PRSS3: variants seen among roughly 807,000 people sequenced by gnomAD.
PRSS3 encodes trypsin-3.
PRSS3 carries 14 observed loss-of-function variants against 20.8 expected under a neutral mutation model. The observed-to-expected ratio is 0.67, with a 90% CI of 0.44 to 1.05. The LOEUF (loss-of-function observed/expected upper bound fraction) is 1.05. Among genes scored for constraint, PRSS3 ranks in the 50% least tolerant of loss-of-function variants. PRSS3 has a pLI of 0.00. For missense variants in PRSS3, 237 were observed against 306.4 expected (o/e 0.77, Z 1.69); for synonymous variants, 91 against 117.6 (o/e 0.77, Z 1.46).
intron 1 of PRSS3, among the ~76,000 whole-genome samples, chr9:33,764,970 T>A (rs1377519321): frequency 1.3e-5 from 2 of 152,170 alleles, no homozygotes; most frequent in African/African-American, 2.4e-5. Flanking sequence ...CCCACTAGAA[T>A]GGCTAAATGA....
chr9:33,757,418 G>A (rs1822996954), intron 1 of PRSS3, among the ~76,000 whole-genome samples: 1 of 151,614 alleles, frequency 6.6e-6, no homozygotes, highest in African/African-American at 2.4e-5. Context: ...CCAAATCCAT[G>A]CAATTTTTCC....
At chr9:33,787,657 G>A (rs1824467236) in intron 1 of PRSS3, among the ~76,000 whole-genome samples, 1 of 152,198 alleles carries the variant, frequency 6.6e-6, no homozygotes, top group South Asian at 2.1e-4. Context: ...CTGCTGCTTG[G>A]GCCATAGACT....
chr9:33,761,320 C>G (rs1823192697), intron 1 of PRSS3, among the ~76,000 whole-genome samples: 1 of 152,182 alleles, frequency 6.6e-6, no homozygotes, highest in African/African-American at 2.4e-5. Flanking sequence ...TGACTTCAAA[C>G]CTGTACAGCA....
intron 1 of PRSS3, among the ~76,000 whole-genome samples, chr9:33,754,362 G>A (rs1247444801): frequency 6.6e-6 from 1 of 151,860 alleles, no homozygotes; most frequent in Non-Finnish European, 1.5e-5. Flanking sequence ...GAGCCGCCGC[G>A]CCTGGCTTGT....
chr9:33,776,271 G>A (rs1563961806), intron 1 of PRSS3, among the ~76,000 whole-genome samples: 1 of 152,036 alleles, frequency 6.6e-6, no homozygotes, highest in Admixed American at 6.5e-5. Flanking sequence ...GAAGACAAAT[G>A]AACAGACCTT....
At chr9:33,773,488 G>C (rs1184837595) in intron 1 of PRSS3, among the ~76,000 whole-genome samples, 1 of 152,132 alleles carries the variant, frequency 6.6e-6, no homozygotes, top group East Asian at 1.9e-4. Flanking sequence ...ACCTGAGACA[G>C]CACAGCAGAA....
intron 1 of PRSS3, among the ~76,000 whole-genome samples, chr9:33,766,024 T>C (rs915350877): frequency 2.0e-5 from 3 of 152,066 alleles, no homozygotes; most frequent in Non-Finnish European, 4.4e-5. Context: ...TCCCAGCACT[T>C]TGGGGGCCAA....
rs960935609 is a variant in PRSS3 at position 33,796,724 on chromosome 9, T to G, written c.122T>G (p.Leu41Arg). The G allele has an allele frequency of 6.2e-7, 1 of 1,614,036 alleles. No individual in the cohort carries two copies. The highest frequency in any genetic ancestry group is 1.1e-5 in the South Asian group (1 of 91,078). The change falls in exon 2 of 5, where the codon CTG (leucine) becomes CGG (arginine). Residue 41 changes from leucine (L) to arginine (R), a missense_variant. By Grantham distance (102) the Leu-to-Arg change is moderately radical. Coordinates refer to ENST00000379405, the MANE Select transcript of PRSS3 (RefSeq NM_002771.4). ...AATTCTCTCCCCTACCAGGTGTCCC[T>G]GAATTCTGGCTCCCACTTCTGCGGT... ...EENSLPYQVSLNSGSHFCGGS... is the reference protein window; with the variant it reads ...EENSLPYQVSRNSGSHFCGGS...
chr9:33,798,102 C>CT lies in PRSS3; in HGVS notation c.454+22dup. 1 of 1,614,250 alleles carries CT rather than the reference C, an allele frequency of 6.2e-7. No individual in the cohort carries two copies. Among genetic ancestry groups the CT allele is most frequent in the Non-Finnish European group, 8.5e-7 (1 of 1,180,042 alleles). Reference sequence around the variant, plus strand: ...TTGGTGGTGAGTGGGACCCTTTGTCCTTCTACTTCCCCCCATCCTCACAAT... The same window carrying CT: ...TTGGTGGTGAGTGGGACCCTTTGTCCTTTCTACTTCCCCCCATCCTCACAAT... On this transcript the variant is annotated intron_variant, in intron 3 of 4. Transcript: ENST00000379405.
intron 1 of PRSS3, among the ~76,000 whole-genome samples, chr9:33,773,151 T>C (rs1033812398): frequency 1.3e-5 from 2 of 152,198 alleles, no homozygotes; most frequent in Non-Finnish European, 2.9e-5. Context: ...TCTCCCTTAC[T>C]CTTGCCTCCA....
chr9:33,759,554 T>TAAGCC (rs1268046149), intron 1 of PRSS3, among the ~76,000 whole-genome samples: 1 of 152,128 alleles, frequency 6.6e-6, no homozygotes, highest in African/African-American at 2.4e-5. Flanking sequence ...GACTGGACGT[T>TAAGCC]AAGCCATCAC....
Position 33,750,861 on chromosome 9 carries a change from A to C in PRSS3, c.-53+134A>C. The C allele has an allele frequency of 1.4e-6, 2 of 1,379,798 alleles. No homozygotes were observed. Among genetic ancestry groups the C allele is most frequent in the Non-Finnish European group, 9.3e-7 (1 of 1,073,340 alleles). 85.5% of individuals were successfully genotyped at this position (1,379,798 alleles called of 1,614,324 possible). On this transcript the variant is annotated intron_variant, in intron 1 of 5. Coordinates refer to the PRSS3 transcript ENST00000342836. The surrounding 1 kb of genome is among the most constrained non-coding windows in gnomAD (Gnocchi z 4.8). ...GGGACCTGCGGGGGAGGGTACGCGG[A>C]CAGGGAGGGGATACCGACTGGGAGG...
At chr9:33,766,826 C>T (rs1318634487) in intron 1 of PRSS3, among the ~76,000 whole-genome samples, 1 of 151,760 alleles carries the variant, frequency 6.6e-6, no homozygotes, top group Non-Finnish European at 1.5e-5. Context: ...TTGGTAAAAG[C>T]ATTTTAAAAT....
rs2119138605 is a variant in PRSS3, at chr9:33,798,025, C to G, written c.397C>G (p.Pro133Ala). The G allele has an allele frequency of 6.2e-7, 1 of 1,614,294 alleles. No individual in the cohort carries two copies. Among genetic ancestry groups the G allele is most frequent in the Non-Finnish European group, 8.5e-7 (1 of 1,180,046 alleles). ...CACCATCTCTCTGCCCACCACCCCT[C>G]CAGCTGCTGGCACTGAGTGCCTCAT... ...VSTISLPTTP[P>A]AAGTECLISG... Residue 133 changes from proline (P) to alanine (A), a missense_variant, in exon 3 of 5, where the codon CCA becomes GCA. By Grantham distance (27) the Pro-to-Ala change is conservative. Coordinates refer to ENST00000379405, the MANE Select transcript of PRSS3 (RefSeq NM_002771.4).
chr9:33,794,794 G>T (rs866840805), upstream of PRSS3: 1 of 1,550,732 alleles, frequency 6.4e-7, no homozygotes, highest in African/African-American at 1.4e-5. Context: ...ATGACAGGAT[G>T]CACATGAGAG....
chr9:33,757,284 T>G (rs1822992335), intron 1 of PRSS3, among the ~76,000 whole-genome samples: 1 of 152,224 alleles, frequency 6.6e-6, no homozygotes, highest in Non-Finnish European at 1.5e-5. Context: ...TGAAAACTCT[T>G]TGAATACATG....
chr9:33,789,304 C>T (rs902333599), intron 1 of PRSS3, among the ~76,000 whole-genome samples: 7 of 152,078 alleles, frequency 4.6e-5, no homozygotes, highest in African/African-American at 1.4e-4. Flanking sequence ...GAAATTGGGG[C>T]GCTACAGACC....
chr9:33,773,040 C>T (rs1387031743), intron 1 of PRSS3, among the ~76,000 whole-genome samples: 3 of 152,112 alleles, frequency 2.0e-5, no homozygotes, highest in Non-Finnish European at 4.4e-5. Flanking sequence ...TTACTTTTAA[C>T]TACAGCCAAA....
intron 1 of PRSS3, among the ~76,000 whole-genome samples, chr9:33,790,225 AG>A (rs956635213): frequency 2.0e-5 from 3 of 152,204 alleles, no homozygotes; most frequent in African/African-American, 7.2e-5. Context: ...AAAATCGTTC[AG>A]TTTAATACAA....
Sources: allele counts gnomAD v4.1 joint callset (sites outside exome capture counted in the v4.1 genomes callset), GRCh38; gene constraint gnomAD v4.1.1; non-coding constraint Gnocchi (gnomAD v3.1); transcripts MANE v1.5; gene names NCBI Gene and HGNC (gene_info 2026-07-23, HGNC 2026-07-21).